The following UBE2U variants were observed in gnomAD, a reference collection of about 807,000 sequenced individuals.
The protein encoded by UBE2U is ubiquitin conjugating enzyme E2 U, also known as ubiquitin-conjugating enzyme E2 U.
In UBE2U, 39 loss-of-function variants were observed where a neutral mutation model predicts 41.2. That is an observed-to-expected ratio of 0.95 (90% confidence interval 0.73 to 1.24). UBE2U has a LOEUF of 1.24. UBE2U is among the 50% of genes most tolerant of loss of function. The pLI is 0.00. For missense variants in UBE2U, 336 were observed against 363.1 expected (o/e 0.93, Z 0.61); for synonymous variants, 107 against 117.8 (o/e 0.91, Z 0.60).
chr1:64,223,000 G>C (rs1287461824), intron 6 of UBE2U, among the ~76,000 whole-genome samples: 1 of 152,180 alleles, frequency 6.6e-6, no homozygotes, highest in Non-Finnish European at 1.5e-5. Flanking sequence ...AGTCATCTGG[G>C]ATGTTTGCAG....
chr1:64,262,968 T>C (rs2100555873), intron 9 of UBE2U, among the ~76,000 whole-genome samples: 1 of 152,242 alleles, frequency 6.6e-6, no homozygotes, highest in South Asian at 2.1e-4. Flanking sequence ...TAGCTATCAA[T>C]GAGTAAGTAA....
intron 8 of UBE2U, among the ~76,000 whole-genome samples, chr1:64,257,624 GTT>G (rs905883974): frequency 6.6e-6 from 1 of 152,152 alleles, no homozygotes; most frequent in Non-Finnish European, 1.5e-5. Context: ...AGGGGGGTGT[GTT>G]GGGGGATGGA....
chr1:64,239,157 A>AAAGAAGAAGAAG (rs149062313), intron 7 of UBE2U, among the ~76,000 whole-genome samples: 2 of 37,064 alleles, frequency 5.4e-5, no homozygotes, highest in Non-Finnish European at 1.2e-4. Context: ...GAAGAAGAAG[A>AAAGAAGAAGAAG]AAGAAGAAGA....
chr1:64,241,770 C>G, intron 8 of UBE2U, 37 bp downstream of exon 8: 1 of 1,473,010 alleles, frequency 6.8e-7, no homozygotes, highest in Non-Finnish European at 9.3e-7. Flanking sequence ...TGTACATTAA[C>G]TTGAATTGTC....
intron 7 of UBE2U, among the ~76,000 whole-genome samples, chr1:64,233,797 A>C (rs1033413740): frequency 5.3e-5 from 8 of 152,226 alleles, no homozygotes; most frequent in African/African-American, 1.9e-4. Flanking sequence ...CAGTCTGCAT[A>C]CACTTACTGA....
At chr1:64,264,845 G>A (rs1645231576) in intron 9 of UBE2U, among the ~76,000 whole-genome samples, 1 of 152,118 alleles carries the variant, frequency 6.6e-6, no homozygotes, top group Admixed American at 6.5e-5. Context: ...AGTTACTTGG[G>A]AGGCTGAGGT....
chr1:64,248,012 G>T (rs1387114763), intron 8 of UBE2U, among the ~76,000 whole-genome samples: 2 of 152,128 alleles, frequency 1.3e-5, no homozygotes, highest in Non-Finnish European at 2.9e-5. Flanking sequence ...CCAGCCAGCA[G>T]AATTGTGAGC....
At chr1:64,255,430 A>T (rs1366218149) in intron 8 of UBE2U, among the ~76,000 whole-genome samples, 1 of 152,196 alleles carries the variant, frequency 6.6e-6, no homozygotes, top group Non-Finnish European at 1.5e-5. Flanking sequence ...TGAAGTCAGC[A>T]TCATCCTGAT....
chr1:64,245,615 T>C (rs1006956671), intron 8 of UBE2U, among the ~76,000 whole-genome samples: 2 of 152,172 alleles, frequency 1.3e-5, no homozygotes, highest in African/African-American at 4.8e-5. Flanking sequence ...GCGTTCTCCC[T>C]TCATTTCCTA....
intron 8 of UBE2U, among the ~76,000 whole-genome samples, chr1:64,256,272 TA>T (rs1645089427): frequency 1.3e-5 from 2 of 152,152 alleles, no homozygotes; most frequent in Non-Finnish European, 2.9e-5. Flanking sequence ...GAAACTATTT[TA>T]AAATATGTAT....
chr1:64,224,271 A>C (rs572738612), intron 6 of UBE2U, among the ~76,000 whole-genome samples: 2 of 152,306 alleles, frequency 1.3e-5, no homozygotes, highest in African/African-American at 4.8e-5. Flanking sequence ...TATTTAAACA[A>C]ATATATAGAG....
At chr1:64,205,540 A>ACC in intron 1 of UBE2U, 99 bp from the exon 2 acceptor site, 1 of 931,368 alleles carries the variant, frequency 1.1e-6, no homozygotes, top group Non-Finnish European at 1.6e-6. Context: ...AAGAAAATTT[A>ACC]GAGTTTTTAG....
At chr1:64,258,418 C>G (rs1645129131) in intron 8 of UBE2U, among the ~76,000 whole-genome samples, 1 of 151,498 alleles carries the variant, frequency 6.6e-6, no homozygotes, top group African/African-American at 2.4e-5. Context: ...TTTTGCTGCA[C>G]CCATTAACTC....
At chr1:64,224,587 G>A (rs1249731115) in intron 6 of UBE2U, among the ~76,000 whole-genome samples, 1 of 152,120 alleles carries the variant, frequency 6.6e-6, no homozygotes, top group Admixed American at 6.5e-5. Context: ...GTTGGGCATG[G>A]TGGCGCGTGC....
chr1:64,225,025 A>G (rs1273213530), intron 6 of UBE2U, among the ~76,000 whole-genome samples: 1 of 152,064 alleles, frequency 6.6e-6, no homozygotes, highest in African/African-American at 2.4e-5. Context: ...TCCATTTACT[A>G]TGTGACTAAG....
At chr1:64,249,627 T>C (rs1644975773) in intron 8 of UBE2U, among the ~76,000 whole-genome samples, 1 of 151,558 alleles carries the variant, frequency 6.6e-6, no homozygotes, top group South Asian at 2.1e-4. Flanking sequence ...ATAAATCAAA[T>C]ATTTAAAAAT....
chr1:64,218,314 C>T (rs959796244), intron 5 of UBE2U, among the ~76,000 whole-genome samples: 1 of 152,068 alleles, frequency 6.6e-6, no homozygotes, highest in Non-Finnish European at 1.5e-5. Context: ...TCTATTTGCT[C>T]GAGTTACGTA....
At chr1:64,253,793 C>T (rs1433741260) in intron 8 of UBE2U, among the ~76,000 whole-genome samples, 1 of 152,118 alleles carries the variant, frequency 6.6e-6, no homozygotes, top group African/African-American at 2.4e-5. Context: ...AAATCATTAC[C>T]AGCCACTACA....
At chr1:64,250,813 AC>A (rs1557742649) in intron 8 of UBE2U, among the ~76,000 whole-genome samples, 1 of 151,688 alleles carries the variant, frequency 6.6e-6, no homozygotes. Flanking sequence ...TATTGCAAGG[AC>A]AAAAAACCAA....
Sources: gnomAD v4.1 joint callset for allele counts (sites outside exome capture counted in the v4.1 genomes callset) on GRCh38, gnomAD v4.1.1 for gene constraint, MANE v1.5 for transcripts, NCBI Gene and HGNC (gene_info 2026-07-23, HGNC 2026-07-21) for gene names.